TMEM217: variants seen among roughly 807,000 people sequenced by gnomAD.
The protein encoded by TMEM217 is chromosome 6 open reading frame 128.
For missense variants in TMEM217, 204 were observed against 248.8 expected (o/e 0.82, Z 1.21); for synonymous variants, 76 against 88.3 (o/e 0.86, Z 0.78).
chr6:37,220,353 T>C (rs1763434573), intron 1 of TMEM217, among the ~76,000 whole-genome samples: 1 of 152,188 alleles, frequency 6.6e-6, no homozygotes, highest in Non-Finnish European at 1.5e-5. Context: ...AAGCTCTGGG[T>C]CCACCAAGGT....
In TMEM217 at chr6:37,217,976, G is replaced by T. The variant is rs573277693; in HGVS notation, c.*446C>A. ...TACCCTCAATGAGCAGGATGTTCCGGTTGTGATTATAATCACATTTTCTCT... is the reference window on the plus strand; with the variant it reads ...TACCCTCAATGAGCAGGATGTTCCGTTTGTGATTATAATCACATTTTCTCT... On this transcript the variant is annotated 3_prime_UTR_variant, in exon 2 of 2. Transcript: ENST00000357219. The T allele has an allele frequency of 1.6e-4, 162 of 988,918 alleles. No homozygotes were observed. In the Admixed American group the frequency reaches 3.7e-3, roughly 23 times the overall value. The allele number at this position is 988,918 out of a possible 1,614,324, so 61.3% of individuals were successfully genotyped here. A position where few individuals can be genotyped will look rare whatever the true frequency, so the allele number is the denominator to read the frequency against.
At position 37,218,210 on chromosome 6, in the gene TMEM217, C is replaced by T. The variant is rs1247891364; in HGVS notation, c.*212G>A. On this transcript the variant is annotated 3_prime_UTR_variant, in exon 2 of 2. Coordinates refer to ENST00000357219, the Ensembl canonical transcript of TMEM217. ...TGGGGGACAGAGTCTTACTCTGTCA[C>T]TCAGGCTGAAGTGCACTGGCGCAAT... The T allele has an allele frequency of 1.7e-5, 21 of 1,267,432 alleles. No homozygotes were observed. The East Asian group carries it at 7.6e-4, about 46-fold the overall frequency. The allele number at this position is 1,267,432 out of a possible 1,614,324, so 78.5% of individuals were successfully genotyped here. A position where few individuals can be genotyped will look rare whatever the true frequency, so the allele number is the denominator to read the frequency against.
At chr6:37,229,942 G>A (rs1764102744) in intron 1 of TMEM217, among the ~76,000 whole-genome samples, 1 of 152,216 alleles carries the variant, frequency 6.6e-6, no homozygotes, top group Admixed American at 6.5e-5. Context: ...TCCTGGGCTA[G>A]CGGGACCCTT....
At chr6:37,242,046 C>G (rs2113890793) in intron 1 of TMEM217, among the ~76,000 whole-genome samples, 1 of 150,994 alleles carries the variant, frequency 6.6e-6, no homozygotes, top group South Asian at 2.1e-4. Context: ...TTTCCCTGCC[C>G]CTTGATGGAG....
At position 37,237,305 on chromosome 6, in the gene TMEM217, G is replaced by A. The variant is rs1310011773; in HGVS notation, c.-11-18264C>T. ...ACAAGAAAATATTCACAAGTGAATTGACATTCTCTGCCTCCCTCAGTCCTG... is the reference window on the plus strand; with the variant it reads ...ACAAGAAAATATTCACAAGTGAATTAACATTCTCTGCCTCCCTCAGTCCTG... On this transcript the variant is annotated intron_variant, in intron 1 of 1. Coordinates refer to ENST00000357219, the Ensembl canonical transcript of TMEM217. Among the ~76,000 whole-genome samples the A allele has an allele frequency of 2.0e-5, 3 of 152,156 alleles. No individual in the cohort carries two copies. In the East Asian group the frequency reaches 5.8e-4, roughly 29 times the overall value.
chr6:37,243,875 T>C (rs1401825864), intron 1 of TMEM217, among the ~76,000 whole-genome samples: 1 of 152,130 alleles, frequency 6.6e-6, no homozygotes, highest in Non-Finnish European at 1.5e-5. Context: ...TGAGTCTGCC[T>C]CTGGATGGGG....
intron 1 of TMEM217, among the ~76,000 whole-genome samples, chr6:37,238,100 G>A (rs1764585777): frequency 6.6e-6 from 1 of 151,274 alleles, no homozygotes; most frequent in Non-Finnish European, 1.5e-5. Context: ...GACCAATGAG[G>A]GTATGTCATG....
chr6:37,212,714 G>A, downstream of TMEM217: 1 of 649,740 alleles, frequency 1.5e-6, no homozygotes, highest in South Asian at 1.5e-5. Context: ...TAGATCAGCA[G>A]CCCCATGTAG....
intron 1 of TMEM217, among the ~76,000 whole-genome samples, chr6:37,257,276 G>A (rs959232663): frequency 2.6e-5 from 4 of 152,154 alleles, no homozygotes; most frequent in Non-Finnish European, 4.4e-5. Context: ...CGTTGCTCAC[G>A]TGTTGAACAG....
At chr6:37,238,125 A>G (rs1764587144) in intron 1 of TMEM217, among the ~76,000 whole-genome samples, 1 of 151,892 alleles carries the variant, frequency 6.6e-6, no homozygotes, top group South Asian at 2.1e-4. Flanking sequence ...AGGGATTATG[A>G]TCAATCTAAT....
chr6:37,214,037 C>T (rs12205385), downstream of TMEM217, among the ~76,000 whole-genome samples: 22,240 of 152,266 alleles, frequency 0.15, 2,086 homozygotes, highest in Non-Finnish European at 0.21. Flanking sequence ...CCAGGCAGAG[C>T]ACAGACAGGC....
chr6:37,214,057 C>T (rs1763054105), downstream of TMEM217, among the ~76,000 whole-genome samples: 1 of 152,232 alleles, frequency 6.6e-6, no homozygotes, highest in Non-Finnish European at 1.5e-5. Context: ...CTGCCACTAG[C>T]CTCCCTCCAG....
chr6:37,255,714 T>C (rs1765681112), intron 1 of TMEM217, among the ~76,000 whole-genome samples: 1 of 147,444 alleles, frequency 6.8e-6, no homozygotes, highest in African/African-American at 2.5e-5. Context: ...CTCTGGTTGG[T>C]ATATGGGGAA....
intron 1 of TMEM217, among the ~76,000 whole-genome samples, chr6:37,220,180 G>C (rs1395776566): frequency 2.0e-5 from 3 of 152,190 alleles, no homozygotes; most frequent in Non-Finnish European, 4.4e-5. Context: ...GGGCTGACAT[G>C]TTGCCAAAAA....
chr6:37,254,552 G>T (rs541735551), intron 1 of TMEM217, among the ~76,000 whole-genome samples: 1 of 152,314 alleles, frequency 6.6e-6, no homozygotes, highest in East Asian at 1.9e-4. Context: ...CAAGGATGTA[G>T]AGTCATTGGT....
intron 1 of TMEM217, among the ~76,000 whole-genome samples, chr6:37,220,993 TAGAC>T (rs1330806625): frequency 2.0e-5 from 3 of 152,116 alleles, no homozygotes; most frequent in Non-Finnish European, 4.4e-5. Flanking sequence ...CATTTTTAAG[TAGAC>T]AGTTTAGTAG....
downstream of TMEM217, among the ~76,000 whole-genome samples, chr6:37,217,453 T>A (rs1451086374): frequency 6.6e-6 from 1 of 152,200 alleles, no homozygotes; most frequent in Non-Finnish European, 1.5e-5. Flanking sequence ...ATTCTCATAG[T>A]CATTCATATC....
chr6:37,244,548 G>C (rs1370700515), intron 1 of TMEM217, among the ~76,000 whole-genome samples: 1 of 152,098 alleles, frequency 6.6e-6, no homozygotes, highest in Non-Finnish European at 1.5e-5. Context: ...TTTACTTTCA[G>C]TCTTTCTCTG....
intron 1 of TMEM217, among the ~76,000 whole-genome samples, chr6:37,256,309 A>G (rs1765723577): frequency 1.3e-5 from 2 of 152,248 alleles, no homozygotes; most frequent in East Asian, 1.9e-4. Context: ...CAACTCTTCT[A>G]AAGTCCAAAC....
Sources: gnomAD v4.1 joint callset for allele counts (sites outside exome capture counted in the v4.1 genomes callset) on GRCh38, gnomAD v4.1.1 for gene constraint, MANE v1.5 for transcripts, NCBI Gene and HGNC (gene_info 2026-07-23, HGNC 2026-07-21) for gene names.